Variants in TTC34 observed in about 807,000 individuals in gnomAD.
TTC34 encodes tetratricopeptide repeat domain 34.
In TTC34, 44 loss-of-function variants were observed where a neutral mutation model predicts 40.7. The observed-to-expected ratio is 1.08, with a 90% CI of 0.85 to 1.39. The LOEUF (loss-of-function observed/expected upper bound fraction) is 1.39, where lower values mean the gene tolerates loss of function less well. Ranked by LOEUF, TTC34 falls within the 40% of genes most tolerant of loss-of-function variation. TTC34 has a pLI of 0.00. For synonymous variants in TTC34, 422 were observed against 398.6 expected (o/e 1.06, Z -0.70); for missense variants, 884 against 838.0 (o/e 1.05, Z -0.68).
At position 2,695,715 on chromosome 1, in the gene TTC34, C is replaced by A. The variant is rs796988249; in HGVS notation, c.2227-50152G>T. 4.5e-4 allele frequency among the ~76,000 whole-genome samples: 25 copies of A among 56,142 alleles called. 2 individuals are homozygous for A. Among genetic ancestry groups the A allele is most frequent in the Middle Eastern group, 0.01 (1 of 96 alleles). The allele number at this position is 56,142 out of a possible 152,430, so 36.8% of individuals were successfully genotyped here. A position where few individuals can be genotyped will look rare whatever the true frequency, so the allele number is the denominator to read the frequency against. On this transcript the variant is annotated intron_variant, in intron 6 of 8. Coordinates refer to ENST00000401095, the Ensembl canonical transcript of TTC34. ...CTGACAGCCTGGAACAGCACCCACA[C>A]CCCCAGGTGAGCAGCTGAAATCCTG...
intron 6 of TTC34, among the ~76,000 whole-genome samples, chr1:2,780,500 C>T (rs187667338): frequency 9.0e-4 from 137 of 152,224 alleles, no homozygotes; most frequent in Non-Finnish European, 1.5e-3. Context: ...CATAGTTTTC[C>T]CTGCAACATT....
intron 6 of TTC34, among the ~76,000 whole-genome samples, chr1:2,759,489 G>T (rs1244832484): frequency 0.014 from 161 of 11,342 alleles, 9 homozygotes; most frequent in African/African-American, 0.042. Context: ...CCCCAGGTGA[G>T]CATCGGGCAG....
intron 6 of TTC34, among the ~76,000 whole-genome samples, chr1:2,688,471 T>G (rs112914741): frequency 1.4e-5 from 1 of 69,146 alleles, no homozygotes; most frequent in Non-Finnish European, 2.7e-5. Context: ...CATCCGACAT[T>G]GTGGAGCAGC....
intron 6 of TTC34, among the ~76,000 whole-genome samples, chr1:2,780,406 G>T (rs1643463432): frequency 6.6e-6 from 1 of 152,140 alleles, no homozygotes; most frequent in South Asian, 2.1e-4. Context: ...TTACTTCTAA[G>T]AATTTTATAG....
chr1:2,650,809 A>C lies in TTC34; in HGVS notation c.2227-5246T>G, dbSNP rs142313747. 2.9e-3 allele frequency among the ~76,000 whole-genome samples: 420 copies of C among 144,486 alleles called. 4 individuals carry two copies. The highest frequency in any genetic ancestry group is 6.1e-3 in the South Asian group (27 of 4,458). 94.8% of individuals were successfully genotyped at this position (144,486 alleles called of 152,430 possible). ...CCATGCAAGGTGAGCATCTGACAGC[A>C]GGAAACAGCACTTGACACCCCCAGG... On this transcript the variant is annotated intron_variant, in intron 6 of 8. Coordinates refer to ENST00000401095, the Ensembl canonical transcript of TTC34.
intron 6 of TTC34, among the ~76,000 whole-genome samples, chr1:2,685,184 G>T (rs546383701): frequency 3.6e-5 from 5 of 138,244 alleles, no homozygotes; most frequent in African/African-American, 1.4e-4. Context: ...TGACTGCCTG[G>T]AACAGCACCC....
chr1:2,693,694 G>A (rs1456901947), intron 6 of TTC34, among the ~76,000 whole-genome samples: 3 of 55,302 alleles, frequency 5.4e-5, no homozygotes, highest in Non-Finnish European at 8.4e-5. Context: ...ACAGCGTGGA[G>A]GAGCACCCAC....
At chr1:2,687,114 G>A (rs1640397504) in intron 6 of TTC34, among the ~76,000 whole-genome samples, 1 of 139,964 alleles carries the variant, frequency 7.1e-6, no homozygotes, top group South Asian at 2.2e-4. Context: ...TCGTGGAGTA[G>A]CACCCCACAC....
chr1:2,699,411 A>C (rs1569653100), intron 6 of TTC34, among the ~76,000 whole-genome samples: 2 of 78,834 alleles, frequency 2.5e-5, no homozygotes, highest in East Asian at 4.7e-4. Flanking sequence ...AGCACCCCAC[A>C]CCCCAAGGTG....
chr1:2,686,700 A>G (rs907216618), intron 6 of TTC34, among the ~76,000 whole-genome samples: 1 of 49,684 alleles, frequency 2.0e-5, no homozygotes, highest in Non-Finnish European at 3.8e-5. Flanking sequence ...TGCGCACGTG[A>G]CAGCCTGGAA....
chr1:2,656,368 A>ATCCTG (rs1557589936), intron 6 of TTC34, among the ~76,000 whole-genome samples: 3 of 95,978 alleles, frequency 3.1e-5, no homozygotes, highest in African/African-American at 4.6e-5. Context: ...CTGGAACAGC[A>ATCCTG]CCCACACCCA....
chr1:2,688,145 A>T (rs1640452724), intron 6 of TTC34, among the ~76,000 whole-genome samples: 293 of 143,572 alleles, frequency 2.0e-3, no homozygotes, highest in African/African-American at 7.2e-3. Flanking sequence ...CGAGCATCTG[A>T]CGGCCTGGAA....
chr1:2,788,379 A>C (rs1475344685), intron 3 of TTC34, among the ~76,000 whole-genome samples: 1 of 150,732 alleles, frequency 6.6e-6, no homozygotes, highest in Non-Finnish European at 1.5e-5. Flanking sequence ...TGTGGTGTGT[A>C]TGGTGTGTGT....
At position 2,761,002 on chromosome 1, in the gene TTC34, A is replaced by T. The variant is rs1641669591; in HGVS notation, c.2226+22607T>A. On this transcript the variant is annotated intron_variant, in intron 6 of 8. Transcript: ENST00000401095. ...TCTGATAGCCTGGAGCAGCGCTCAC[A>T]CCCAGAGGTGAGCATATGACCACCT... Among the ~76,000 whole-genome samples the T allele has an allele frequency of 2.8e-5, 2 of 72,468 alleles. 1 individual carries two copies. Among genetic ancestry groups the T allele is most frequent in the African/African-American group, 2.3e-4 (2 of 8,736 alleles). 47.5% of individuals were successfully genotyped at this position (72,468 alleles called of 152,430 possible).
rs1234446609 is a variant in TTC34, at chr1:2,640,004, G to C, written c.*1364C>G. On this transcript the variant is annotated 3_prime_UTR_variant, in exon 9 of 9. Coordinates refer to ENST00000401095, the Ensembl canonical transcript of TTC34. Reference sequence around the variant, plus strand: ...CCTCCCTGCCTGACCCCCTGGACTGGGGTTCGTCAGATGATCCCAGAAGCG... The same window carrying C: ...CCTCCCTGCCTGACCCCCTGGACTGCGGTTCGTCAGATGATCCCAGAAGCG... 4 of 152,366 alleles carry C rather than the reference G, an allele frequency of 2.6e-5. No homozygotes were observed. In the East Asian group the frequency reaches 5.8e-4, roughly 22 times the overall value. The allele number at this position is 152,366 out of a possible 1,614,324, so 9.4% of individuals were successfully genotyped here.
intron 3 of TTC34, among the ~76,000 whole-genome samples, chr1:2,789,090 A>G (rs1335912496): frequency 6.6e-6 from 1 of 152,154 alleles, no homozygotes; most frequent in Non-Finnish European, 1.5e-5. Context: ...AGAACAAAAA[A>G]CAAAACAAAA....
intron 6 of TTC34, among the ~76,000 whole-genome samples, chr1:2,687,768 C>G (rs796238668): frequency 1.4e-5 from 1 of 73,396 alleles, no homozygotes; most frequent in Non-Finnish European, 2.7e-5. Flanking sequence ...AACCCACACC[C>G]TGAGGCGAGC....
intron 6 of TTC34, among the ~76,000 whole-genome samples, chr1:2,683,494 C>T (rs1259627798): frequency 1.3e-5 from 2 of 149,092 alleles, no homozygotes; most frequent in South Asian, 2.1e-4. Context: ...CATCTGACAG[C>T]CTGGAACGGC....
chr1:2,651,641 C>A (rs538387607), intron 6 of TTC34, among the ~76,000 whole-genome samples: 54 of 151,964 alleles, frequency 3.6e-4, no homozygotes, highest in African/African-American at 9.7e-4. Context: ...ACCCTGCATA[C>A]CAGGAGGGCA....
Sources: gnomAD v4.1 joint callset for allele counts (sites outside exome capture counted in the v4.1 genomes callset) on GRCh38, gnomAD v4.1.1 for gene constraint, MANE v1.5 for transcripts, NCBI Gene and HGNC (gene_info 2026-07-23, HGNC 2026-07-21) for gene names.